PCDH19: variants seen among roughly 807,000 people sequenced by gnomAD.
The protein encoded by PCDH19 is protocadherin-19.
In PCDH19, 6 loss-of-function variants were observed where a neutral mutation model predicts 46.2. The ratio of observed to expected loss-of-function variants is 0.13; its 90% CI spans 0.07 to 0.26. The LOEUF is 0.26. Ranked by LOEUF, PCDH19 falls within the 10% of genes least tolerant of loss-of-function variation. PCDH19 has a pLI of 1.00. For synonymous variants in PCDH19, 481 were observed against 415.7 expected (o/e 1.16, Z -1.91); for missense variants, 740 against 972.3 (o/e 0.76, Z 3.18).
At chrX:100,316,137 C>A (rs967591285) in intron 5 of PCDH19, among the ~76,000 whole-genome samples, 1 of 112,168 alleles carries the variant, frequency 8.9e-6, no homozygotes, top group Non-Finnish European at 1.9e-5. Flanking sequence ...TCCTCTCTTT[C>A]TGTTCTTGAA....
At chrX:100,380,026 C>A (rs778055665) in intron 3 of PCDH19, among the ~76,000 whole-genome samples, 2 of 112,371 alleles carry the variant, frequency 1.8e-5, no homozygotes, top group South Asian at 3.7e-4. Context: ...GAAACAGATT[C>A]TTTTCATGGC....
Position 100,328,283 on chromosome X carries a change from C to T in PCDH19, c.2848+13620G>A, listed in dbSNP as rs760519147. ...ATACATGGGTCCAACACGCTTAGAA[C>T]ACTTATCTCATAATGCTCTTGTTCT... On this transcript the variant is annotated intron_variant, in intron 5 of 5. Transcript: ENST00000373034. Among the ~76,000 whole-genome samples the T allele has an allele frequency of 9.8e-5, 11 of 111,747 alleles. No homozygotes were observed. In the South Asian group the frequency reaches 4.2e-3, roughly 42 times the overall value.
chrX:100,315,087 C>T (rs1033487328), intron 5 of PCDH19, among the ~76,000 whole-genome samples: 1 of 112,367 alleles, frequency 8.9e-6, no homozygotes, highest in African/African-American at 3.2e-5. Context: ...GAAAATCCTC[C>T]TTCCCACCAA....
chrX:100,360,352 C>G (rs1207785209), intron 3 of PCDH19, among the ~76,000 whole-genome samples: 1 of 112,314 alleles, frequency 8.9e-6, no homozygotes, highest in Admixed American at 9.4e-5. Flanking sequence ...ATCTTGGAAA[C>G]AGTGAATGCA....
At chrX:100,353,580 GC>G (rs1199346355) in intron 3 of PCDH19, among the ~76,000 whole-genome samples, 2 of 111,383 alleles carry the variant, frequency 1.8e-5, no homozygotes, top group Admixed American at 9.6e-5. Context: ...CCACTCCCAG[GC>G]ACTGAGTTGA....
intron 5 of PCDH19, among the ~76,000 whole-genome samples, chrX:100,313,226 T>C (rs1925185687): frequency 9.0e-6 from 1 of 111,654 alleles, no homozygotes; most frequent in Admixed American, 9.6e-5. Flanking sequence ...TTTCTACTTG[T>C]TGGTTAAAAT....
intron 5 of PCDH19, among the ~76,000 whole-genome samples, chrX:100,329,243 T>C (rs1475181105): frequency 8.9e-6 from 1 of 112,619 alleles, no homozygotes; most frequent in African/African-American, 3.2e-5. Flanking sequence ...AGAGGCATAA[T>C]GAAACCTTCC....
chrX:100,368,809 T>C (rs910550448), intron 3 of PCDH19, among the ~76,000 whole-genome samples: 1 of 111,917 alleles, frequency 8.9e-6, no homozygotes, highest in Non-Finnish European at 1.9e-5. Context: ...GCCAGAGTCT[T>C]TCTGTCCACC....
In PCDH19 at chrX:100,293,917, C is replaced by T. The variant is rs909241349; in HGVS notation, c.*2360G>A. ...AGTGGCCTCTCTGGCTCAACAGCCA[C>T]GTGACAATTAATGTTCCCACTTTCC... On this transcript the variant is annotated 3_prime_UTR_variant, in exon 6 of 6. Transcript: ENST00000373034. The T allele has an allele frequency of 8.9e-6, 1 of 111,920 alleles. No homozygotes were observed. The highest frequency in any genetic ancestry group is 3.8e-4 in the South Asian group (1 of 2,649). The allele number at this position is 111,920 out of a possible 1,213,427, so 9.2% of individuals were successfully genotyped here.
In PCDH19 at chrX:100,406,999, C is replaced by A. The variant is rs1264680704; in HGVS notation, c.1599G>T (p.Val533=). ...AGGGAAGGCCGCCGTCCTTGGCCAG[C>A]ACCTTGAATTCGAACGCCTTGGTCT... ...HEQTKAFEFK[V]LAKDGGLPSL... Residue 533 remains valine, a synonymous_variant, in exon 1 of 6, where the codon GTG becomes GTT. Transcript: ENST00000373034. 1 of 1,209,946 alleles carries A rather than the reference C, an allele frequency of 8.3e-7. No individual in the cohort carries two copies. The highest frequency in any genetic ancestry group is 1.8e-5 in the African/African-American group (1 of 57,132).
chrX:100,363,474 C>T (rs1926961505), intron 3 of PCDH19, among the ~76,000 whole-genome samples: 1 of 107,608 alleles, frequency 9.3e-6, no homozygotes, highest in South Asian at 3.9e-4. Context: ...ATTTCTATGT[C>T]CAACTAAACT....
rs775279341 is a variant in PCDH19, at chrX:100,320,335, G to A, written c.2848+21568C>T. Among the ~76,000 whole-genome samples, 5 of 112,142 alleles carry A rather than the reference G, an allele frequency of 4.5e-5. No individual in the cohort carries two copies. In the Admixed American group the frequency reaches 4.7e-4, roughly 11 times the overall value. Reference sequence around the variant, plus strand: ...GATGAAAAAAACTGGAACCCAAAGCGAGGAAGCAAGTTGCTTGAGATCACA... The same window carrying A: ...GATGAAAAAAACTGGAACCCAAAGCAAGGAAGCAAGTTGCTTGAGATCACA... On this transcript the variant is annotated intron_variant, in intron 5 of 5. Transcript: ENST00000373034.
Position 100,403,508 on chromosome X carries a change from G to A in PCDH19, c.2288+16C>T. The A allele has an allele frequency of 8.3e-7, 1 of 1,206,758 alleles. No homozygotes were observed. Among genetic ancestry groups the A allele is most frequent in the Non-Finnish European group, 1.1e-6 (1 of 893,447 alleles). On this transcript the variant is annotated intron_variant, in intron 2 of 5. Coordinates refer to ENST00000373034, the MANE Select transcript of PCDH19 (RefSeq NM_001184880.2). Reference sequence around the variant, plus strand: ...AATAGCCAAACCCATTTAAATGAGGGGAAATGCCTTTTTACCTCTTTCCCC... The same window carrying A: ...AATAGCCAAACCCATTTAAATGAGGAGAAATGCCTTTTTACCTCTTTCCCC...
chrX:100,320,108 G>C, intron 5 of PCDH19, among the ~76,000 whole-genome samples: 1 of 111,655 alleles, frequency 9.0e-6, no homozygotes, highest in Non-Finnish European at 1.9e-5. Flanking sequence ...CACAACGGAA[G>C]GATTATTACA....
rs768541218 is a variant in PCDH19 at position 100,339,525 on chromosome X, T to C, written c.2848+2378A>G. 2.7e-5 allele frequency among the ~76,000 whole-genome samples: 3 copies of C among 112,709 alleles called. No homozygotes were observed. The South Asian group carries it at 1.1e-3, about 41-fold the overall frequency. ...AAGATAAAATGTGATATACTTATTA[T>C]GCAAATGCAGACTTGAGATATTAAA... is the stretch of plus-strand genomic sequence containing the variant. On this transcript the variant is annotated intron_variant, in intron 5 of 5. Coordinates refer to ENST00000373034, the MANE Select transcript of PCDH19 (RefSeq NM_001184880.2).
At chrX:100,367,700 C>T (rs1303960838) in intron 3 of PCDH19, among the ~76,000 whole-genome samples, 2 of 111,441 alleles carry the variant, frequency 1.8e-5, no homozygotes, top group African/African-American at 6.5e-5. Context: ...TTAAAGGCTC[C>T]ACCTTTTAAT....
intron 3 of PCDH19, among the ~76,000 whole-genome samples, chrX:100,384,560 T>A (rs1927654208): frequency 9.0e-6 from 1 of 110,857 alleles, no homozygotes; most frequent in Non-Finnish European, 1.9e-5. Flanking sequence ...GAAATAATAG[T>A]GTGCCCTACG....
intron 5 of PCDH19, among the ~76,000 whole-genome samples, chrX:100,322,865 A>ATATATATATATATATATATATTTT: frequency 1.8e-4 from 10 of 54,414 alleles, no homozygotes; most frequent in African/African-American, 7.6e-4. Flanking sequence ...ATATATATAT[A>ATATATATATATATATATATATTTT]TTTTTGCAGC....
chrX:100,322,047 C>A (rs1386411495), intron 5 of PCDH19, among the ~76,000 whole-genome samples: 1 of 110,045 alleles, frequency 9.1e-6, no homozygotes, highest in Admixed American at 9.6e-5. Flanking sequence ...CCTCGGCCTC[C>A]CAAATTGCTG....
Sources: gnomAD v4.1 joint callset for allele counts (sites outside exome capture counted in the v4.1 genomes callset) on GRCh38, gnomAD v4.1.1 for gene constraint, MANE v1.5 for transcripts, NCBI Gene and HGNC (gene_info 2026-07-23, HGNC 2026-07-21) for gene names.